SFI1: variants seen among roughly 807,000 people sequenced by gnomAD.
SFI1 encodes protein SFI1 homolog.
Under a neutral mutation model 207.5 loss-of-function variants are expected in SFI1, and 195 were observed. That is an observed-to-expected ratio of 0.94 (90% CI 0.84 to 1.06). SFI1 has a LOEUF of 1.06. Among genes scored for constraint, SFI1 ranks in the 50% least tolerant of loss-of-function variants. SFI1 has a pLI of 0.00. For missense variants in SFI1, 1,634 were observed against 1,588.0 expected, an observed-to-expected ratio of 1.03 and a Z score of -0.49; for synonymous variants, 630 against 598.9, an observed-to-expected ratio of 1.05 and a Z score of -0.76.
intron 27 of SFI1, chr22:31,614,434 G>C: frequency 3.7e-5 from 16 of 431,222 alleles, no homozygotes; most frequent in Admixed American, 1.2e-4. Flanking sequence ...CATGGGGCCT[G>C]GGTCCCGGTC....
At position 31,615,288 on chromosome 22, in the gene SFI1, T is replaced by A. The variant is rs778021331; in HGVS notation, c.3300+9T>A. On this transcript the variant is annotated intron_variant, in intron 29 of 32. Coordinates refer to ENST00000400288, the MANE Select transcript of SFI1 (RefSeq NM_001007467.3). ...CGGCTGCACCAGCCAGGGTACGTCC[T>A]CCACCACCAGGCCTGGGCACTGGGG... 5 of 1,478,716 alleles carry A rather than the reference T, an allele frequency of 3.4e-6. No homozygotes were observed. Among genetic ancestry groups the A allele is most frequent in the Non-Finnish European group, 4.5e-6 (5 of 1,121,300 alleles). 91.6% of individuals were successfully genotyped at this position (1,478,716 alleles called of 1,614,324 possible).
At chr22:31,534,672 C>T (rs1029616144) in intron 4 of SFI1, among the ~76,000 whole-genome samples, 1 of 151,970 alleles carries the variant, frequency 6.6e-6, no homozygotes, top group Non-Finnish European at 1.5e-5. Flanking sequence ...AGCTGTTAGT[C>T]TAATTTTTGC....
At chr22:31,509,002 G>A (rs949671649) in intron 2 of SFI1, among the ~76,000 whole-genome samples, 2 of 152,070 alleles carry the variant, frequency 1.3e-5, no homozygotes, top group African/African-American at 4.8e-5. Context: ...GAATGTTAAT[G>A]GATTTTGTCA....
chr22:31,613,244 C>T, intron 25 of SFI1, 28 bp downstream of exon 25: 1 of 1,613,194 alleles, frequency 6.2e-7, no homozygotes, highest in Non-Finnish European at 8.5e-7. Context: ...TCCTACCATC[C>T]CTGCCTCTCC....
chr22:31,617,190 T>A, intron 31 of SFI1, 112 bp downstream of exon 31: 2 of 1,158,070 alleles, frequency 1.7e-6, no homozygotes, highest in Non-Finnish European at 2.5e-6. Context: ...CTGTAGGTGG[T>A]CTCGGTCTAG....
chr22:31,610,898 G>C (rs2069982357), intron 22 of SFI1, among the ~76,000 whole-genome samples: 1 of 152,238 alleles, frequency 6.6e-6, no homozygotes, highest in South Asian at 2.1e-4. Flanking sequence ...GGCTCTCAGA[G>C]GGCTGTTGGG....
intron 7 of SFI1, among the ~76,000 whole-genome samples, chr22:31,558,904 C>T (rs1003905110): frequency 6.6e-6 from 1 of 152,166 alleles, no homozygotes; most frequent in Admixed American, 6.5e-5. Context: ...GCAAGCTCTG[C>T]TTCCTGGGTT....
intron 15 of SFI1, among the ~76,000 whole-genome samples, chr22:31,594,967 A>C (rs1314059352): frequency 6.6e-6 from 1 of 151,854 alleles, no homozygotes; most frequent in Non-Finnish European, 1.5e-5. Flanking sequence ...GGTGGGACAT[A>C]ATGAAGAAAT....
At chr22:31,538,198 G>A (rs375481350) in intron 4 of SFI1, among the ~76,000 whole-genome samples, 148 of 151,418 alleles carry the variant, frequency 9.8e-4, no homozygotes, top group African/African-American at 3.3e-3. Context: ...CCTAACCTCA[G>A]ATGATCCACC....
intron 14 of SFI1, among the ~76,000 whole-genome samples, chr22:31,586,510 C>T (rs2065045103): frequency 6.6e-6 from 1 of 152,240 alleles, no homozygotes; most frequent in Non-Finnish European, 1.5e-5. Flanking sequence ...TTGGATGCTA[C>T]AGGGCATGGC....
intron 19 of SFI1, 44 bp downstream of exon 19, chr22:31,604,448 G>A: frequency 7.1e-7 from 1 of 1,404,104 alleles, no homozygotes; most frequent in Non-Finnish European, 9.4e-7. Context: ...TGGGGACAGG[G>A]GAGGTTTCTG....
At chr22:31,537,619 G>A (rs761513799) in intron 4 of SFI1, among the ~76,000 whole-genome samples, 2 of 152,162 alleles carry the variant, frequency 1.3e-5, no homozygotes, top group Admixed American at 6.6e-5. Context: ...GGATAGTTAC[G>A]CCTGTAGGCC....
Position 31,589,557 on chromosome 22 carries a change from A to G in SFI1, c.1524A>G (p.Ala508=). The part of the protein sequence containing the change: ...RWRHQENVLS[A]RATRFHRETL... ...GCCACCAGGAAAATGTCCTCAGTGC[A>G]AGAGCAACACGTTTCCACAGGTATG... The change falls in exon 15 of 33, where the codon GCA becomes GCG. Residue 508 remains alanine (A), a synonymous_variant. Coordinates refer to ENST00000400288, the MANE Select transcript of SFI1 (RefSeq NM_001007467.3). The G allele has an allele frequency of 6.2e-7, 1 of 1,613,540 alleles. No individual in the cohort carries two copies. Among genetic ancestry groups the G allele is most frequent in the Non-Finnish European group, 8.5e-7 (1 of 1,179,896 alleles).
At chr22:31,510,182 C>CT (rs1336126885) in intron 2 of SFI1, among the ~76,000 whole-genome samples, 1 of 151,148 alleles carries the variant, frequency 6.6e-6, no homozygotes, top group Non-Finnish European at 1.5e-5. Flanking sequence ...ACTATCTGTG[C>CT]TTTTTTTTGT....
At chr22:31,611,617 C>A in intron 23 of SFI1, 149 bp from the exon 24 acceptor site, 1 of 809,620 alleles carries the variant, frequency 1.2e-6, no homozygotes, top group Non-Finnish European at 1.9e-6. Flanking sequence ...GCGGCACTCC[C>A]TGCCTATGCA....
In SFI1 at chr22:31,578,435, C is replaced by G. The variant is rs1031776033; in HGVS notation, c.1138C>G (p.His380Asp). The change falls in exon 11 of 33, where the codon CAC (histidine) becomes GAC (aspartate). Residue 380 changes from histidine (H) to aspartate (D), a missense_variant. Transcript: ENST00000400288. ...CCAGTTTGAGATGGCAGAAGAGCAC[C>G]ACAGGCACAGCCAGCTGGTAAGAGC... ...AAQFEMAEEH[H>D]RHSQLYFCFR... is the part of the protein sequence containing the mutation. The G allele has an allele frequency of 1.4e-5, 22 of 1,613,578 alleles. No individual in the cohort carries two copies. Among genetic ancestry groups the G allele is most frequent in the Non-Finnish European group, 1.9e-5 (22 of 1,179,668 alleles).
At chr22:31,547,491 A>G (rs1398519960) in intron 5 of SFI1, among the ~76,000 whole-genome samples, 3 of 151,640 alleles carry the variant, frequency 2.0e-5, no homozygotes, top group African/African-American at 7.3e-5. Flanking sequence ...TTGTAGTTTT[A>G]GTAGAGACAG....
At chr22:31,550,939 A>G (rs1291184424) in intron 6 of SFI1, among the ~76,000 whole-genome samples, 5 of 152,142 alleles carry the variant, frequency 3.3e-5, no homozygotes, top group South Asian at 2.1e-4. Context: ...CAACTCCCCT[A>G]CCACTTACAC....
chr22:31,527,030 G>T (rs984807110), intron 2 of SFI1, among the ~76,000 whole-genome samples: 1 of 152,100 alleles, frequency 6.6e-6, no homozygotes, highest in African/African-American at 2.4e-5. Context: ...CCAAGTAGCT[G>T]AGATTACAGG....
Sources: allele counts gnomAD v4.1 joint callset (sites outside exome capture counted in the v4.1 genomes callset), GRCh38; gene constraint gnomAD v4.1.1; transcripts MANE v1.5; gene names NCBI Gene and HGNC (gene_info 2026-07-23, HGNC 2026-07-21).